Variants in ST6GAL1 observed in about 807,000 individuals in gnomAD.
ST6GAL1 encodes the protein ST6 beta-galactoside alpha-2,6-sialyltransferase 1, also known as beta-galactoside alpha-2,6-sialyltransferase 1.
A neutral mutation model predicts 38.0 loss-of-function variants in ST6GAL1; 20 were observed. The observed-to-expected ratio is 0.53, with a 90% confidence interval of 0.37 to 0.77. The LOEUF is 0.77. ST6GAL1 is among the 30% of genes least tolerant of loss of function. The probability of loss-of-function intolerance (pLI) is 0.00; values close to 1 mark genes in which losing one functional copy is unlikely to be tolerated. For missense variants in ST6GAL1, 432 were observed against 496.4 expected (o/e 0.87, Z 1.23); for synonymous variants, 196 against 188.2 (o/e 1.04, Z -0.34).
intron 2 of ST6GAL1, among the ~76,000 whole-genome samples, chr3:187,015,137 A>C (rs534747243): frequency 6.6e-6 from 1 of 152,314 alleles, no homozygotes; most frequent in Non-Finnish European, 1.5e-5. Context: ...TTCCTAATAC[A>C]TGGAGGGTAC....
At chr3:187,037,581 G>GT (rs1236515708) in intron 2 of ST6GAL1, among the ~76,000 whole-genome samples, 3 of 151,952 alleles carry the variant, frequency 2.0e-5, no homozygotes, top group African/African-American at 4.8e-5. Flanking sequence ...ATTTTTAGCT[G>GT]TTTTTTGTTG....
chr3:186,939,068 CTTTT>C (rs59211382), intron 1 of ST6GAL1, among the ~76,000 whole-genome samples: 82 of 135,554 alleles, frequency 6.0e-4, no homozygotes, highest in African/African-American at 2.2e-3. Context: ...AACCTGGGAC[CTTTT>C]TTTTTTTTTT....
chr3:187,026,939 C>T (rs566435791), intron 2 of ST6GAL1, among the ~76,000 whole-genome samples: 3 of 152,042 alleles, frequency 2.0e-5, no homozygotes, highest in Admixed American at 6.5e-5. Flanking sequence ...GTCCCAGCTA[C>T]TGGGGAGGCT....
At chr3:187,072,714 G>A in intron 5 of ST6GAL1, 135 bp from the exon 6 acceptor site, 1 of 779,818 alleles carries the variant, frequency 1.3e-6, no homozygotes, top group East Asian at 2.5e-5. Context: ...CCGAAGTTAA[G>A]TGCTGCACCA....
At chr3:187,005,269 C>CT (rs58085172) in intron 2 of ST6GAL1, among the ~76,000 whole-genome samples, 207 of 103,884 alleles carry the variant, frequency 2.0e-3, no homozygotes, top group African/African-American at 2.6e-3. Flanking sequence ...TTTTCTTTTT[C>CT]TTTTTTTTTT....
At chr3:187,049,046 A>G (rs911676767) in intron 4 of ST6GAL1, among the ~76,000 whole-genome samples, 5 of 151,942 alleles carry the variant, frequency 3.3e-5, no homozygotes, top group African/African-American at 1.2e-4. Context: ...GCGTGCCACC[A>G]CGCCCAGCTA....
intron 2 of ST6GAL1, among the ~76,000 whole-genome samples, chr3:186,979,123 T>A (rs1715611540): frequency 6.6e-6 from 1 of 152,120 alleles, no homozygotes; most frequent in Admixed American, 6.5e-5. Context: ...ATTTGGGGCA[T>A]ATTTGTGTGA....
At chr3:186,951,673 T>A (rs1714582730) in intron 1 of ST6GAL1, among the ~76,000 whole-genome samples, 1 of 152,196 alleles carries the variant, frequency 6.6e-6, no homozygotes. Context: ...ACCTTCCCTA[T>A]CCATACTCTC....
chr3:187,031,973 T>C (rs1717768559), intron 2 of ST6GAL1, among the ~76,000 whole-genome samples: 1 of 152,228 alleles, frequency 6.6e-6, no homozygotes, highest in Admixed American at 6.5e-5. Flanking sequence ...TAGCTAGTGC[T>C]AAATAAATGG....
chr3:187,012,715 G>A lies in ST6GAL1; in HGVS notation c.-182-26027G>A, dbSNP rs143809738. Among the ~76,000 whole-genome samples the A allele has an allele frequency of 5.1e-3, 782 of 152,350 alleles. 22 individuals are homozygous for A. In the East Asian group the frequency reaches 0.08, roughly 16 times the overall value. ...TGAAATCAAGACTGGGTGCCAGGCC[G>A]TAGGGCTGCCAGCCTGCCTGTGATT... On this transcript the variant is annotated intron_variant, in intron 2 of 7. Coordinates refer to ENST00000169298, the MANE Select transcript of ST6GAL1 (RefSeq NM_173216.2).
At chr3:186,934,873 TCTC>T (rs1348866878) in intron 1 of ST6GAL1, among the ~76,000 whole-genome samples, 3 of 151,916 alleles carry the variant, frequency 2.0e-5, no homozygotes, top group Non-Finnish European at 2.9e-5. Context: ...TTCACGCCAT[TCTC>T]CTGCCTCAGC....
chr3:186,954,618 T>C (rs1377652636), intron 1 of ST6GAL1, among the ~76,000 whole-genome samples: 1 of 152,242 alleles, frequency 6.6e-6, no homozygotes, highest in Non-Finnish European at 1.5e-5. Context: ...GTTGGCCACA[T>C]AAATGTCTTA....
chr3:187,061,545 A>G (rs1392286122), intron 5 of ST6GAL1, among the ~76,000 whole-genome samples: 2 of 152,204 alleles, frequency 1.3e-5, no homozygotes, highest in African/African-American at 4.8e-5. Context: ...GAATAGAATA[A>G]AAGTCCAGAA....
intron 2 of ST6GAL1, among the ~76,000 whole-genome samples, chr3:187,017,584 G>T (rs1181100348): frequency 6.6e-6 from 1 of 152,074 alleles, no homozygotes; most frequent in Non-Finnish European, 1.5e-5. Context: ...TTCTTTGTAG[G>T]GGGTCCATTT....
intron 1 of ST6GAL1, among the ~76,000 whole-genome samples, chr3:186,931,779 G>A (rs1260381968): frequency 1.3e-5 from 2 of 152,196 alleles, no homozygotes; most frequent in Non-Finnish European, 2.9e-5. Context: ...GCCCCTTTTG[G>A]CTTGTTAATG....
chr3:186,984,793 TTCCTTCCTTCCA>T (rs1279646480), intron 2 of ST6GAL1, among the ~76,000 whole-genome samples: 6 of 24,804 alleles, frequency 2.4e-4, no homozygotes, highest in Admixed American at 3.8e-4. Context: ...CCTCCCTTCC[TTCCTTCCTTCCA>T]TCCTTCCTTC....
At chr3:187,020,972 T>TG (rs58368266) in intron 2 of ST6GAL1, among the ~76,000 whole-genome samples, 3 of 150,748 alleles carry the variant, frequency 2.0e-5, no homozygotes, top group African/African-American at 7.3e-5. Flanking sequence ...TTTTTTTTTT[T>TG]GTTTTTTTTT....
At chr3:186,938,801 C>G (rs1220619551) in intron 1 of ST6GAL1, among the ~76,000 whole-genome samples, 1 of 152,186 alleles carries the variant, frequency 6.6e-6, no homozygotes, top group African/African-American at 2.4e-5. Flanking sequence ...CATGGCTGAT[C>G]CGTAACCCCA....
intron 2 of ST6GAL1, among the ~76,000 whole-genome samples, chr3:187,026,539 T>C (rs1717542748): frequency 6.6e-6 from 1 of 152,248 alleles, no homozygotes; most frequent in Non-Finnish European, 1.5e-5. Flanking sequence ...TTTTAAGTAT[T>C]GTTATCCTTC....
Sources: allele counts gnomAD v4.1 joint callset (sites outside exome capture counted in the v4.1 genomes callset), GRCh38; gene constraint gnomAD v4.1.1; transcripts MANE v1.5; gene names NCBI Gene and HGNC (gene_info 2026-07-23, HGNC 2026-07-21).